The following CNTN6 variants were observed in gnomAD, a reference collection of about 807,000 sequenced individuals.
CNTN6 encodes contactin-6.
CNTN6 carries 137 observed loss-of-function variants against 122.8 expected under a neutral mutation model. That is an observed-to-expected ratio of 1.12 (90% CI 0.97 to 1.29). The LOEUF (loss-of-function observed/expected upper bound fraction) is 1.29, where lower values mean the gene tolerates loss of function less well. Ranked by LOEUF, CNTN6 falls within the 50% of genes most tolerant of loss-of-function variation. The probability of loss-of-function intolerance (pLI) is 0.00; values close to 1 mark genes in which losing one functional copy is unlikely to be tolerated. For missense variants in CNTN6, 1,634 were observed against 1,223.4 expected (o/e 1.34, Z -5.01); for synonymous variants, 570 against 426.0 (o/e 1.34, Z -4.16).
chr3:1,374,441 G>T (rs1031349631), intron 16 of CNTN6, among the ~76,000 whole-genome samples: 1 of 152,020 alleles, frequency 6.6e-6, no homozygotes, highest in African/African-American at 2.4e-5. Context: ...AGACTCTGTT[G>T]GTGCAGTCAG....
At chr3:1,160,123 A>T (rs1415841843) in intron 2 of CNTN6, among the ~76,000 whole-genome samples, 2 of 152,054 alleles carry the variant, frequency 1.3e-5, no homozygotes, top group Non-Finnish European at 2.9e-5. Flanking sequence ...CCGGCCAATC[A>T]TTCAGTTTTT....
At chr3:1,150,201 C>T (rs939324262) in intron 2 of CNTN6, among the ~76,000 whole-genome samples, 2 of 152,114 alleles carry the variant, frequency 1.3e-5, no homozygotes, top group East Asian at 3.9e-4. Context: ...TCTCCCTATT[C>T]GCAGATACTA....
chr3:1,134,391 C>T (rs1218385571), intron 1 of CNTN6, among the ~76,000 whole-genome samples: 3 of 152,110 alleles, frequency 2.0e-5, no homozygotes, highest in Non-Finnish European at 2.9e-5. Context: ...GAGCTAGTCT[C>T]CTACAGTGTG....
intron 1 of CNTN6, among the ~76,000 whole-genome samples, chr3:1,103,329 A>G (rs1479313898): frequency 6.6e-6 from 1 of 152,196 alleles, no homozygotes; most frequent in Admixed American, 6.5e-5. Context: ...CCACAAAAGT[A>G]TATGCTGAAA....
chr3:1,140,873 A>G (rs940123324), intron 1 of CNTN6, among the ~76,000 whole-genome samples: 2 of 152,150 alleles, frequency 1.3e-5, no homozygotes, highest in African/African-American at 2.4e-5. Flanking sequence ...CTACTAATCT[A>G]TCATCTATTA....
intron 20 of CNTN6, chr3:1,394,567 G>T (rs114512252): frequency 6.6e-6 from 1 of 152,330 alleles, no homozygotes; most frequent in African/African-American, 2.4e-5. Context: ...TGTCTTTGAA[G>T]TCGCTCTGTA....
chr3:1,286,758 C>T (rs1450603686), intron 5 of CNTN6, among the ~76,000 whole-genome samples: 1 of 152,124 alleles, frequency 6.6e-6, no homozygotes. Flanking sequence ...AGTCAAGGCT[C>T]CTCCGTGTGC....
At chr3:1,151,726 A>C (rs1371778603) in intron 2 of CNTN6, among the ~76,000 whole-genome samples, 1 of 152,214 alleles carries the variant, frequency 6.6e-6, no homozygotes, top group East Asian at 1.9e-4. Context: ...AAGTAAGTCC[A>C]CTTAAACTGA....
chr3:1,295,308 T>C (rs1283695385), intron 5 of CNTN6, among the ~76,000 whole-genome samples: 1 of 152,194 alleles, frequency 6.6e-6, no homozygotes, highest in Admixed American at 6.5e-5. Flanking sequence ...ATACGTCTTA[T>C]GGTATTTCTT....
chr3:1,372,842 C>G lies in CNTN6; in HGVS notation c.1673C>G (p.Ser558Cys), dbSNP rs370377248. 3 of 1,579,788 alleles carry G rather than the reference C, an allele frequency of 1.9e-6. No individual in the cohort carries two copies. The highest frequency in any genetic ancestry group is 2.6e-6 in the Non-Finnish European group (3 of 1,153,594). The change falls in exon 14 of 23, where the codon TCT (serine) becomes TGT (cysteine). Residue 558 changes from serine to cysteine, a missense_variant. Ser to Cys is a moderately radical substitution (Grantham distance 112). Coordinates refer to ENST00000446702, the MANE Select transcript of CNTN6 (RefSeq NM_001289080.2). ...VAHFERIGGE[S>C]VGDLMIRNIQ... is the part of the protein sequence containing the mutation. The stretch of plus-strand genomic sequence containing the variant: ...TTTCTCCCTTTCTGTCTGCAGGAAT[C>G]TGTTGGGGATTTGATGATAAGGAAT...
intron 1 of CNTN6, among the ~76,000 whole-genome samples, chr3:1,113,199 G>A (rs1231533707): frequency 6.6e-6 from 1 of 152,130 alleles, no homozygotes; most frequent in Non-Finnish European, 1.5e-5. Flanking sequence ...AACTTCTAAA[G>A]AGGCCAGGGA....
At chr3:1,323,007 A>G (rs1232585625) in intron 8 of CNTN6, among the ~76,000 whole-genome samples, 9 of 151,710 alleles carry the variant, frequency 5.9e-5, no homozygotes, top group Non-Finnish European at 1.0e-4. Flanking sequence ...CTAGTTTTAA[A>G]GAAATATTTT....
chr3:1,195,823 A>AT lies in CNTN6; in HGVS notation c.56-24859dup. 2.6e-5 allele frequency among the ~76,000 whole-genome samples: 4 copies of AT among 152,206 alleles called. 1 individual carries two copies. Among genetic ancestry groups the AT allele is most frequent in the African/African-American group, 9.6e-5 (4 of 41,528 alleles). On this transcript the variant is annotated intron_variant, in intron 2 of 22. Transcript: ENST00000446702. ...ACCTTTAGTATAATCTTATTTCTAC[A>AT]TTTTTGGGACACATCACTGAAACCT... is the stretch of plus-strand genomic sequence containing the variant.
intron 20 of CNTN6, among the ~76,000 whole-genome samples, chr3:1,388,502 G>C (rs1232240848): frequency 6.6e-6 from 1 of 151,682 alleles, no homozygotes; most frequent in South Asian, 2.1e-4. Context: ...AAAACGCAGA[G>C]CGCCTCTCCT....
At chr3:1,210,389 T>G (rs1433682812) in intron 2 of CNTN6, among the ~76,000 whole-genome samples, 17 of 124,276 alleles carry the variant, frequency 1.4e-4, no homozygotes, top group African/African-American at 2.2e-4. Context: ...AGAAGGGAAG[T>G]GAAGGGAAGG....
At position 1,297,286 on chromosome 3, in the gene CNTN6, G is replaced by A. The variant is rs146812421; in HGVS notation, c.659-603G>A. Among the ~76,000 whole-genome samples the A allele has an allele frequency of 1.3e-3, 200 of 152,190 alleles. 1 individual carries two copies. The highest frequency in any genetic ancestry group is 6.8e-3 in the Middle Eastern group (2 of 294). ...CAAAGTATTTAAATAATCTTGAGAT[G>A]TCACTGATTAAATTAATTAAGTTAA... On this transcript the variant is annotated intron_variant, in intron 6 of 22. Coordinates refer to ENST00000446702, the MANE Select transcript of CNTN6 (RefSeq NM_001289080.2).
intron 20 of CNTN6, among the ~76,000 whole-genome samples, chr3:1,388,321 G>T (rs908065711): frequency 2.7e-5 from 4 of 146,322 alleles, no homozygotes; most frequent in Non-Finnish European, 4.6e-5. Flanking sequence ...TCACACGGCA[G>T]GGTATGCCAA....
intron 20 of CNTN6, among the ~76,000 whole-genome samples, chr3:1,398,848 G>C (rs1428273036): frequency 1.3e-5 from 2 of 152,004 alleles, no homozygotes; most frequent in Non-Finnish European, 2.9e-5. Flanking sequence ...TGTATAATTG[G>C]CTATTCATAC....
chr3:1,392,117 A>G (rs1435825918), intron 20 of CNTN6, among the ~76,000 whole-genome samples: 3 of 152,268 alleles, frequency 2.0e-5, no homozygotes, highest in East Asian at 1.9e-4. Context: ...AAGCCAAAAG[A>G]ACAAAGCTGG....
Sources: allele counts gnomAD v4.1 joint callset (sites outside exome capture counted in the v4.1 genomes callset), GRCh38; gene constraint gnomAD v4.1.1; transcripts MANE v1.5; gene names NCBI Gene and HGNC (gene_info 2026-07-23, HGNC 2026-07-21).